SNX29: variants seen among roughly 807,000 people sequenced by gnomAD.
SNX29 encodes the protein sorting nexin 29, also known as sorting nexin-29.
In SNX29, 78 loss-of-function variants were observed where a neutral mutation model predicts 102.1. The observed-to-expected ratio is 0.76, with a 90% CI of 0.64 to 0.92. The LOEUF is 0.92. Ranked by LOEUF, SNX29 falls within the 40% of genes least tolerant of loss-of-function variation. SNX29 has a pLI of 0.00. For synonymous variants in SNX29, 580 were observed against 414.5 expected, an observed-to-expected ratio of 1.40 and a Z score of -4.85; for missense variants, 1,280 against 1,061.7, an observed-to-expected ratio of 1.21 and a Z score of -2.86.
chr16:12,552,163 C>G (rs1282455260), intron 20 of SNX29, among the ~76,000 whole-genome samples: 1 of 152,190 alleles, frequency 6.6e-6, no homozygotes, highest in African/African-American at 2.4e-5. Context: ...GCTTAATCTA[C>G]TAATCCTGCA....
At chr16:12,224,403 A>C (rs553239837) in intron 14 of SNX29, among the ~76,000 whole-genome samples, 3 of 151,990 alleles carry the variant, frequency 2.0e-5, no homozygotes, top group South Asian at 4.2e-4. Context: ...AGACATGGTC[A>C]CTCCCCCTGG....
Position 12,043,064 on chromosome 16 carries a change from C to T in SNX29, c.415C>T (p.Arg139Cys), listed in dbSNP as rs143780467. Reference sequence around the variant, plus strand: ...CTACCTGCACATGCTCCTGGCCGACCGCTGCAGGCTGAGGTACGTGGCCGG... The same window carrying T: ...CTACCTGCACATGCTCCTGGCCGACTGCTGCAGGCTGAGGTACGTGGCCGG... ...ERYLHMLLADRCRLSTFYEDW... is the reference protein window; with the variant it reads ...ERYLHMLLADCCRLSTFYEDW... The change falls in exon 5 of 21, where the codon CGC (arginine) becomes TGC (cysteine). Residue 139 changes from arginine (R) to cysteine (C), a missense_variant. Arg to Cys is a radical substitution (Grantham distance 180). Coordinates refer to ENST00000566228, the MANE Select transcript of SNX29 (RefSeq NM_032167.5). The T allele has an allele frequency of 1.2e-4, 201 of 1,613,260 alleles. No individual in the cohort carries two copies. Among genetic ancestry groups the T allele is most frequent in the Middle Eastern group, 1.8e-4 (1 of 5,614 alleles).
chr16:12,030,760 G>A (rs1040183803), intron 4 of SNX29, among the ~76,000 whole-genome samples: 3 of 152,286 alleles, frequency 2.0e-5, no homozygotes, highest in East Asian at 1.9e-4. Context: ...TATCCAGTGC[G>A]TGATCTGGCT....
rs139215311 is a variant in SNX29 at position 12,536,613 on chromosome 16, C to G, written c.2318+11772C>G. On this transcript the variant is annotated intron_variant, in intron 20 of 20. Coordinates refer to ENST00000566228, the MANE Select transcript of SNX29 (RefSeq NM_032167.5). ...ACAGAGAACGCACTAACTAGTTTGG[C>G]TGTGGCTGCAGCAGGGGTGTATACA... Among the ~76,000 whole-genome samples the G allele has an allele frequency of 3.9e-5, 6 of 152,174 alleles. No homozygotes were observed. The East Asian group carries it at 9.6e-4, about 24-fold the overall frequency.
chr16:12,297,203 TG>T, intron 15 of SNX29: 1 of 152,508 alleles, frequency 6.6e-6, no homozygotes, highest in Non-Finnish European at 1.5e-5. Flanking sequence ...CGGCACCTGT[TG>T]GGGTCTGGGT....
chr16:12,126,005 T>A (rs915939188), intron 11 of SNX29, among the ~76,000 whole-genome samples: 1 of 152,166 alleles, frequency 6.6e-6, no homozygotes, highest in Non-Finnish European at 1.5e-5. Flanking sequence ...GTGGTGATCT[T>A]GTTTCACACT....
At chr16:12,081,167 G>A (rs755931779) in intron 11 of SNX29, 2 of 152,140 alleles carry the variant, frequency 1.3e-5, no homozygotes, top group African/African-American at 2.4e-5. Flanking sequence ...CCTGCCCTGG[G>A]TTCCGATTGA....
At chr16:12,434,634 C>G (rs544106811) in intron 18 of SNX29, among the ~76,000 whole-genome samples, 3 of 152,250 alleles carry the variant, frequency 2.0e-5, no homozygotes, top group South Asian at 4.2e-4. Flanking sequence ...AAAGACAGTT[C>G]CTCCAAGTGC....
chr16:12,544,252 C>A (rs568577125), intron 20 of SNX29, among the ~76,000 whole-genome samples: 1 of 151,040 alleles, frequency 6.6e-6, no homozygotes, highest in South Asian at 2.1e-4. Flanking sequence ...ACTAACTTAC[C>A]CAGATTGCAA....
At chr16:12,263,414 C>G (rs1350237321) in intron 14 of SNX29, among the ~76,000 whole-genome samples, 2 of 152,196 alleles carry the variant, frequency 1.3e-5, no homozygotes, top group Non-Finnish European at 2.9e-5. Context: ...AGGTGTGAGC[C>G]ACCGTGCCTG....
At chr16:12,084,074 C>A (rs1450473410) in intron 11 of SNX29, among the ~76,000 whole-genome samples, 1 of 152,044 alleles carries the variant, frequency 6.6e-6, no homozygotes, top group African/African-American at 2.4e-5. Flanking sequence ...GTATCCAGAC[C>A]CACATGATTG....
chr16:12,534,370 C>G (rs867081243), intron 20 of SNX29, among the ~76,000 whole-genome samples: 1 of 152,232 alleles, frequency 6.6e-6, no homozygotes, highest in East Asian at 1.9e-4. Flanking sequence ...GCACCTCTCA[C>G]ACCTTCTCTG....
Position 12,332,873 on chromosome 16 carries a change from G to A in SNX29, c.1783-23290G>A, listed in dbSNP as rs950023667. Reference sequence around the variant, plus strand: ...CTGCTTCGTCACTCCATGTGCCCTCGTCCTTCAAGCCTCACCTCCAAGCTC... The same window carrying A: ...CTGCTTCGTCACTCCATGTGCCCTCATCCTTCAAGCCTCACCTCCAAGCTC... On this transcript the variant is annotated intron_variant, in intron 15 of 20. Coordinates refer to ENST00000566228, the MANE Select transcript of SNX29 (RefSeq NM_032167.5). 5.3e-5 allele frequency among the ~76,000 whole-genome samples: 8 copies of A among 151,896 alleles called. No individual in the cohort carries two copies. In the South Asian group the frequency reaches 8.3e-4, roughly 16 times the overall value.
chr16:12,536,851 C>T (rs544337053), intron 20 of SNX29, among the ~76,000 whole-genome samples: 1 of 152,104 alleles, frequency 6.6e-6, no homozygotes, highest in Non-Finnish European at 1.5e-5. Context: ...TGGTGCACAC[C>T]TGTAATTGTA....
intron 15 of SNX29, among the ~76,000 whole-genome samples, chr16:12,284,634 T>C (rs561454999): frequency 1.2e-4 from 18 of 152,346 alleles, no homozygotes; most frequent in African/African-American, 4.3e-4. Context: ...CAGTAAGCAT[T>C]TATTCAATAG....
chr16:12,092,255 C>G (rs1027501956), intron 11 of SNX29, among the ~76,000 whole-genome samples: 11 of 151,670 alleles, frequency 7.3e-5, no homozygotes, highest in Admixed American at 5.3e-4. Context: ...CAAATCCTGC[C>G]TGACAAGTAG....
At chr16:12,225,184 A>C (rs2077577611) in intron 14 of SNX29, among the ~76,000 whole-genome samples, 1 of 152,178 alleles carries the variant, frequency 6.6e-6, no homozygotes, top group Non-Finnish European at 1.5e-5. Context: ...TTATCTTTTG[A>C]TCAGAGGTAA....
intron 15 of SNX29, among the ~76,000 whole-genome samples, chr16:12,353,011 C>T (rs2082030285): frequency 6.6e-6 from 1 of 152,156 alleles, no homozygotes; most frequent in South Asian, 2.1e-4. Context: ...GGGAGGCTGC[C>T]TGGCATGTCC....
At chr16:12,107,273 G>A (rs991811520) in intron 11 of SNX29, among the ~76,000 whole-genome samples, 1 of 151,888 alleles carries the variant, frequency 6.6e-6, no homozygotes, top group Non-Finnish European at 1.5e-5. Context: ...TGGGTGTGGG[G>A]ACAGCTGGCA....
Sources: allele counts gnomAD v4.1 joint callset (sites outside exome capture counted in the v4.1 genomes callset), GRCh38; gene constraint gnomAD v4.1.1; transcripts MANE v1.5; gene names NCBI Gene and HGNC (gene_info 2026-07-23, HGNC 2026-07-21).